RRM2: variants seen among roughly 807,000 people sequenced by gnomAD.
RRM2 encodes the protein ribonucleotide reductase regulatory subunit M2.
A neutral mutation model predicts 45.9 loss-of-function variants in RRM2; 6 were observed. The observed-to-expected ratio is 0.13, with a 90% confidence interval of 0.07 to 0.26. The LOEUF (loss-of-function observed/expected upper bound fraction) is 0.26, where lower values mean the gene tolerates loss of function less well. Among genes scored for constraint, RRM2 ranks in the 10% least tolerant of loss-of-function variants. RRM2 has a pLI of 1.00. For synonymous variants in RRM2, 177 were observed against 173.0 expected, an observed-to-expected ratio of 1.02 and a Z score of -0.18; for missense variants, 343 against 489.5, an observed-to-expected ratio of 0.70 and a Z score of 2.82.
Position 10,123,729 on chromosome 2 carries a change from A to G in RRM2, c.319-7A>G, listed in dbSNP as rs1195151022. 6.4e-7 allele frequency: 1 copy of G among 1,557,078 alleles called. No individual in the cohort carries two copies. The highest frequency in any genetic ancestry group is 8.8e-7 in the Non-Finnish European group (1 of 1,130,016). ...TTTATGCTAAAATTGTGACTTCCGA[A>G]CCTCAGGTGGACCTCTCCAAGGACA... On this transcript the variant is annotated splice_region_variant and splice_polypyrimidine_tract_variant and intron_variant, in intron 3 of 9. Coordinates refer to ENST00000304567, the MANE Select transcript of RRM2 (RefSeq NM_001034.4).
chr2:10,168,420 G>A (rs985300470), intron 3 of RRM2, among the ~76,000 whole-genome samples: 8 of 152,062 alleles, frequency 5.3e-5, no homozygotes, highest in African/African-American at 1.4e-4. Context: ...TGGCAGTTTC[G>A]CTCTGGGCCT....
chr2:10,147,805 A>G (rs1663220983), intron 3 of RRM2, among the ~76,000 whole-genome samples: 1 of 152,124 alleles, frequency 6.6e-6, no homozygotes, highest in African/African-American at 2.4e-5. Flanking sequence ...CCTCTATGCT[A>G]TCTTTTTCTT....
At chr2:10,155,846 T>A (rs1303347078) in intron 3 of RRM2, 3 of 152,224 alleles carry the variant, frequency 2.0e-5, no homozygotes, top group African/African-American at 7.2e-5. Context: ...GGCTCCACTG[T>A]GCCCCTAGCG....
At chr2:10,133,361 C>T (rs1662936059), downstream of RRM2, among the ~76,000 whole-genome samples, 1 of 152,248 alleles carries the variant, frequency 6.6e-6, no homozygotes, top group Non-Finnish European at 1.5e-5. Context: ...CCTCCCTTCA[C>T]CTGGTACTGC....
At chr2:10,181,602 CCT>C (rs1037622600) in intron 3 of RRM2, among the ~76,000 whole-genome samples, 4 of 151,866 alleles carry the variant, frequency 2.6e-5, no homozygotes, top group African/African-American at 9.7e-5. Flanking sequence ...TAGAAATTTC[CCT>C]CTGAGTACTG....
chr2:10,201,257 C>T (rs184222779), intron 3 of RRM2, among the ~76,000 whole-genome samples: 94 of 152,204 alleles, frequency 6.2e-4, no homozygotes, highest in Non-Finnish European at 7.2e-4. Context: ...TTTCCAGACT[C>T]GGGAGAAAAC....
At chr2:10,196,680 G>C (rs1387161039) in intron 3 of RRM2, among the ~76,000 whole-genome samples, 1 of 152,228 alleles carries the variant, frequency 6.6e-6, no homozygotes, top group Non-Finnish European at 1.5e-5. Context: ...TCCGGAGGAG[G>C]GAGCAGACAA....
chr2:10,127,266 C>G lies in RRM2; in HGVS notation c.798+46C>G. The stretch of plus-strand genomic sequence containing the variant: ...AGGGTGACCTAAACCCCAAACACAA[C>G]TCGGGCATGCTCTTGTGTTCACTGA... On this transcript the variant is annotated intron_variant, in intron 7 of 9. Transcript: ENST00000304567. The surrounding 1 kb of genome is among the most constrained non-coding windows in gnomAD (Gnocchi z 4.1). 6.3e-7 allele frequency: 1 copy of G among 1,588,820 alleles called. No individual in the cohort carries two copies. Among genetic ancestry groups the G allele is most frequent in the Non-Finnish European group, 8.6e-7 (1 of 1,166,464 alleles).
At chr2:10,122,928 G>T in intron 1 of RRM2, 31 bp downstream of exon 1, 1 of 1,554,006 alleles carries the variant, frequency 6.4e-7, no homozygotes. Flanking sequence ...CTGCGGGCAG[G>T]GGAGGGAGGC....
At chr2:10,207,461 G>T (rs1236870985) in intron 3 of RRM2, among the ~76,000 whole-genome samples, 2 of 152,132 alleles carry the variant, frequency 1.3e-5, no homozygotes, top group African/African-American at 4.8e-5. Flanking sequence ...CTACCCTGGG[G>T]ATAAAAACAA....
chr2:10,207,891 C>A (rs1302112380), intron 3 of RRM2, among the ~76,000 whole-genome samples: 1 of 152,098 alleles, frequency 6.6e-6, no homozygotes, highest in Non-Finnish European at 1.5e-5. Flanking sequence ...CCTTTGGCCA[C>A]CGAGATATCT....
intron 3 of RRM2, among the ~76,000 whole-genome samples, chr2:10,176,813 C>A (rs1663923767): frequency 6.6e-6 from 1 of 152,168 alleles, no homozygotes; most frequent in South Asian, 2.1e-4. Context: ...CTGTCATTAA[C>A]CGTCTTGTAC....
chr2:10,154,757 G>A (rs1319107343), intron 3 of RRM2, among the ~76,000 whole-genome samples: 2 of 145,020 alleles, frequency 1.4e-5, no homozygotes, highest in Non-Finnish European at 1.5e-5. Flanking sequence ...GTGCAGTGGC[G>A]CGATCTCGGC....
At chr2:10,210,210 T>C in intron 3 of RRM2, 1 of 692,844 alleles carries the variant, frequency 1.4e-6, no homozygotes, top group Non-Finnish European at 2.3e-6. Context: ...CCCTTGGCCA[T>C]GTTCCGGCTC....
rs1356955261 is a variant in RRM2 at position 10,127,510 on chromosome 2, G to A, written c.798+290G>A. ...TTTTGAGGTGACGGAATCTTGCTCT[G>A]TCGTTCCAGGCTGGAGTGCAATGGC... On this transcript the variant is annotated intron_variant, in intron 7 of 9. Coordinates refer to ENST00000304567, the MANE Select transcript of RRM2 (RefSeq NM_001034.4). The surrounding 1 kb of genome is among the most constrained non-coding windows in gnomAD (Gnocchi z 4.1). The A allele has an allele frequency of 7.0e-6, 2 of 287,730 alleles. No homozygotes were observed. The highest frequency in any genetic ancestry group is 2.2e-5 in the African/African-American group (1 of 45,564). The allele number at this position is 287,730 out of a possible 1,614,324, so 17.8% of individuals were successfully genotyped here.
intron 1 of RRM2, 26 bp downstream of exon 1, chr2:10,122,923 G>T: frequency 6.4e-7 from 1 of 1,555,520 alleles, no homozygotes; most frequent in Non-Finnish European, 8.7e-7. Context: ...GGGCGCTGCG[G>T]GCAGGGGAGG....
intron 3 of RRM2, among the ~76,000 whole-genome samples, chr2:10,177,355 T>A (rs1300767719): frequency 6.6e-6 from 1 of 152,228 alleles, no homozygotes; most frequent in East Asian, 1.9e-4. Context: ...AAATCATTAC[T>A]ATTTTTAAGT....
chr2:10,148,904 C>T lies in RRM2; in HGVS notation n.482+6529C>T, dbSNP rs959299863. Reference sequence around the variant, plus strand: ...TTCTCTGTAATCTCTTTACACCGTTCATTTTCATTTCCTTTTGCTCACTTT... The same window carrying T: ...TTCTCTGTAATCTCTTTACACCGTTTATTTTCATTTCCTTTTGCTCACTTT... On this transcript the variant is annotated intron_variant and non_coding_transcript_variant, in intron 3 of 3. Transcript: ENST00000381786. Among the ~76,000 whole-genome samples, 16 of 152,132 alleles carry T rather than the reference C, an allele frequency of 1.1e-4. No homozygotes were observed. The East Asian group carries it at 3.1e-3, about 29-fold the overall frequency.
At chr2:10,161,091 A>C (rs1663546608) in intron 3 of RRM2, among the ~76,000 whole-genome samples, 1 of 152,126 alleles carries the variant, frequency 6.6e-6, no homozygotes. Context: ...TTTTTGACAC[A>C]GGGTCTCGCT....
Sources: gnomAD v4.1 joint callset for allele counts (sites outside exome capture counted in the v4.1 genomes callset) on GRCh38, gnomAD v4.1.1 for gene constraint, Gnocchi (gnomAD v3.1) non-coding constraint, MANE v1.5 for transcripts, NCBI Gene and HGNC (gene_info 2026-07-23, HGNC 2026-07-21) for gene names.